The following KCNH7 variants were observed in gnomAD, a reference collection of about 807,000 sequenced individuals.
KCNH7 encodes voltage-gated inwardly rectifying potassium channel KCNH7.
KCNH7 carries 49 observed loss-of-function variants against 120.8 expected under a neutral mutation model. That is an observed-to-expected ratio of 0.41 (90% CI 0.32 to 0.51). The LOEUF (loss-of-function observed/expected upper bound fraction) is 0.51, where lower values mean the gene tolerates loss of function less well. Among genes scored for constraint, KCNH7 ranks in the 20% least tolerant of loss-of-function variants. The pLI, the probability that KCNH7 is intolerant of heterozygous loss-of-function variation, is 0.38. For missense variants in KCNH7, 1,097 were observed against 1,446.6 expected (o/e 0.76, Z 3.92); for synonymous variants, 547 against 516.1 (o/e 1.06, Z -0.81).
intron 8 of KCNH7, among the ~76,000 whole-genome samples, chr2:162,427,945 G>A (rs544550019): frequency 2.6e-5 from 4 of 151,580 alleles, no homozygotes; most frequent in African/African-American, 9.7e-5. Context: ...CAGTTTGACT[G>A]ATTTTAAAAA....
At chr2:162,504,833 G>A (rs759489847) in intron 5 of KCNH7, among the ~76,000 whole-genome samples, 176 bp from the exon 6 acceptor site, 1 of 151,964 alleles carries the variant, frequency 6.6e-6, no homozygotes, top group Non-Finnish European at 1.5e-5. Flanking sequence ...ACATGGAATG[G>A]CATGTGAGTA....
intron 9 of KCNH7, among the ~76,000 whole-genome samples, chr2:162,405,644 G>T (rs1687191176): frequency 6.6e-6 from 1 of 151,918 alleles, no homozygotes; most frequent in Non-Finnish European, 1.5e-5. Context: ...GCCGAGTAAT[G>T]AATGCAAAAA....
chr2:162,413,977 A>G (rs1219615441), intron 9 of KCNH7, among the ~76,000 whole-genome samples: 1 of 152,010 alleles, frequency 6.6e-6, no homozygotes. Flanking sequence ...ATAGAATAAA[A>G]AAGCCAAATA....
chr2:162,425,854 G>A (rs1480325979), intron 8 of KCNH7, among the ~76,000 whole-genome samples: 1 of 152,116 alleles, frequency 6.6e-6, no homozygotes, highest in Non-Finnish European at 1.5e-5. Flanking sequence ...TCATAAACAA[G>A]CATTTCCCAC....
At chr2:162,764,924 C>T (rs184410204) in intron 2 of KCNH7, among the ~76,000 whole-genome samples, 11 of 152,178 alleles carry the variant, frequency 7.2e-5, no homozygotes, top group Admixed American at 3.9e-4. Context: ...TTTTTTAAAG[C>T]TGTTATATTT....
chr2:162,459,356 G>T (rs1254827959), intron 6 of KCNH7, among the ~76,000 whole-genome samples: 1 of 152,160 alleles, frequency 6.6e-6, no homozygotes, highest in East Asian at 1.9e-4. Flanking sequence ...CAAGAGAAAA[G>T]ATTATGATAG....
At chr2:162,581,884 C>G (rs1693879155) in intron 2 of KCNH7, among the ~76,000 whole-genome samples, 1 of 151,910 alleles carries the variant, frequency 6.6e-6, no homozygotes, top group Non-Finnish European at 1.5e-5. Flanking sequence ...CCCACCCACC[C>G]AAAGAAAGAA....
chr2:162,642,322 A>T (rs1406052986), intron 2 of KCNH7, among the ~76,000 whole-genome samples: 1 of 152,174 alleles, frequency 6.6e-6, no homozygotes, highest in Non-Finnish European at 1.5e-5. Context: ...TTGCCATTTA[A>T]TATTTATTAT....
intron 2 of KCNH7, among the ~76,000 whole-genome samples, chr2:162,792,907 T>C (rs570871461): frequency 2.6e-4 from 39 of 151,834 alleles, no homozygotes; most frequent in Non-Finnish European, 5.0e-4. Context: ...TCAGTTGTGA[T>C]GTTAGGTTGT....
At chr2:162,379,180 C>A (rs899786587) in intron 14 of KCNH7, among the ~76,000 whole-genome samples, 1 of 152,170 alleles carries the variant, frequency 6.6e-6, no homozygotes, top group African/African-American at 2.4e-5. Context: ...TAAAAGGCTA[C>A]TATTGGATCA....
chr2:162,675,816 T>C lies in KCNH7; in HGVS notation c.308-138736A>G, dbSNP rs545959004. 5.3e-4 allele frequency among the ~76,000 whole-genome samples: 80 copies of C among 151,686 alleles called. 1 individual carries two copies. In the South Asian group the frequency reaches 9.3e-3, roughly 18 times the overall value. On this transcript the variant is annotated intron_variant, in intron 2 of 15. Coordinates refer to ENST00000332142, the MANE Select transcript of KCNH7 (RefSeq NM_033272.4). ...CTGTAATTTACATATGAAAATACTA[T>C]TTTATACATGTTAATTATTTTACTG...
intron 2 of KCNH7, among the ~76,000 whole-genome samples, chr2:162,663,511 C>G (rs1574237307): frequency 6.6e-6 from 1 of 152,152 alleles, no homozygotes; most frequent in East Asian, 1.9e-4. Context: ...CTAAATTCTC[C>G]TTTTTCATGT....
intron 2 of KCNH7, among the ~76,000 whole-genome samples, chr2:162,817,461 C>A (rs964614595): frequency 6.6e-6 from 1 of 151,886 alleles, no homozygotes; most frequent in African/African-American, 2.4e-5. Flanking sequence ...ATCTATTAAC[C>A]TGCTGATGAT....
intron 9 of KCNH7, among the ~76,000 whole-genome samples, chr2:162,401,408 A>C (rs1408545989): frequency 6.6e-6 from 1 of 151,908 alleles, no homozygotes; most frequent in Non-Finnish European, 1.5e-5. Context: ...GGAATGGGGC[A>C]TTATATAGTG....
chr2:162,460,093 C>CAAAAA (rs575038181), intron 6 of KCNH7, among the ~76,000 whole-genome samples: 4 of 47,888 alleles, frequency 8.4e-5, no homozygotes, highest in African/African-American at 1.1e-4. Flanking sequence ...GACTCCATCT[C>CAAAAA]AAAAAAAAAA....
At chr2:162,772,665 T>C (rs773604081) in intron 2 of KCNH7, among the ~76,000 whole-genome samples, 1 of 152,182 alleles carries the variant, frequency 6.6e-6, no homozygotes, top group African/African-American at 2.4e-5. Flanking sequence ...AAAGCCCCAT[T>C]TGAACACACA....
chr2:162,612,720 A>AT (rs1683011266), intron 2 of KCNH7, among the ~76,000 whole-genome samples: 1 of 152,102 alleles, frequency 6.6e-6, no homozygotes, highest in African/African-American at 2.4e-5. Context: ...GTGACTGAGT[A>AT]TATAATATAC....
chr2:162,788,405 A>G (rs1417634672), intron 2 of KCNH7, among the ~76,000 whole-genome samples: 1 of 152,176 alleles, frequency 6.6e-6, no homozygotes, highest in Non-Finnish European at 1.5e-5. Flanking sequence ...TAAAAGTTCA[A>G]CAAAGAGACA....
intron 2 of KCNH7, among the ~76,000 whole-genome samples, chr2:162,684,593 A>T (rs1235004643): frequency 6.6e-6 from 1 of 152,170 alleles, no homozygotes; most frequent in Non-Finnish European, 1.5e-5. Context: ...ACAAACATGA[A>T]AAAAAGCTCA....
Sources: gnomAD v4.1 joint callset for allele counts (sites outside exome capture counted in the v4.1 genomes callset) on GRCh38, gnomAD v4.1.1 for gene constraint, MANE v1.5 for transcripts, NCBI Gene and HGNC (gene_info 2026-07-23, HGNC 2026-07-21) for gene names.